The following TRANK1 variants were observed in gnomAD, a reference collection of about 807,000 sequenced individuals.
The protein encoded by TRANK1 is TPR and ankyrin repeat-containing protein 1.
TRANK1 carries 198 observed loss-of-function variants against 266.0 expected under a neutral mutation model. The observed-to-expected ratio is 0.74, with a 90% CI of 0.66 to 0.84. The LOEUF (loss-of-function observed/expected upper bound fraction) is 0.84. TRANK1 is among the 40% of genes least tolerant of loss of function. The pLI, the probability that TRANK1 is intolerant of heterozygous loss-of-function variation, is 0.00. For synonymous variants in TRANK1, 1,396 were observed against 1,384.1 expected, an observed-to-expected ratio of 1.01 and a Z score of -0.19; for missense variants, 3,326 against 3,634.6, an observed-to-expected ratio of 0.92 and a Z score of 2.18.
intron 9 of TRANK1, among the ~76,000 whole-genome samples, chr3:36,868,027 G>A (rs2079252357): frequency 6.6e-6 from 1 of 152,228 alleles, no homozygotes; most frequent in Non-Finnish European, 1.5e-5. Flanking sequence ...ATGTGTGTGA[G>A]TGAGCCCTGC....
intron 11 of TRANK1, among the ~76,000 whole-genome samples, chr3:36,860,089 T>A (rs11129738): frequency 6.6e-6 from 1 of 152,192 alleles, no homozygotes; most frequent in East Asian, 1.9e-4. Context: ...TAACACATAA[T>A]GTTTTTTCTC....
At chr3:36,911,625 A>G (rs926751139) in intron 1 of TRANK1, among the ~76,000 whole-genome samples, 1 of 152,228 alleles carries the variant, frequency 6.6e-6, no homozygotes, top group African/African-American at 2.4e-5. Flanking sequence ...TGCCAACCAT[A>G]CAGAAGGCTT....
At chr3:36,828,419 AG>A in intron 23 of TRANK1, 44 bp from the exon 24 acceptor site, 1 of 446,540 alleles carries the variant, frequency 2.2e-6, no homozygotes, top group Non-Finnish European at 4.6e-6. Flanking sequence ...GAAAGAAGGG[AG>A]GGAGGGAGGG....
At chr3:36,923,947 G>A (rs867467310) in intron 1 of TRANK1, among the ~76,000 whole-genome samples, 1 of 151,606 alleles carries the variant, frequency 6.6e-6, no homozygotes, top group South Asian at 2.1e-4. Flanking sequence ...CTGAAGGGAA[G>A]AAGACTCTCT....
rs770494961 is a variant in TRANK1 at position 36,832,222 on chromosome 3, G to A, written c.7361C>T (p.Ala2454Val). 9.9e-6 allele frequency: 16 copies of A among 1,613,850 alleles called. No individual in the cohort carries two copies. The Admixed American group carries it at 2.7e-4, about 27-fold the overall frequency. ...PLIPSIGNTV[A>V]LLEFQFIHCG... ...GTGGATGAACTGGAACTCCAGGAGGGCTACTGTGTTTCCAATGCTGGGGAT... is the reference window on the plus strand; with the variant it reads ...GTGGATGAACTGGAACTCCAGGAGGACTACTGTGTTTCCAATGCTGGGGAT... Residue 2454 changes from alanine to valine, a missense_variant, in exon 22 of 24, where the codon GCC becomes GTC. By Grantham distance (64) the Ala-to-Val change is moderately conservative (BLOSUM62 0). Coordinates refer to ENST00000645898, the MANE Select transcript of TRANK1 (RefSeq NM_001329998.2).
chr3:36,829,327 A>T (rs1354918761), intron 23 of TRANK1, among the ~76,000 whole-genome samples: 1 of 152,242 alleles, frequency 6.6e-6, no homozygotes, highest in Non-Finnish European at 1.5e-5. Flanking sequence ...GCTCATGAGC[A>T]GCAAGAGGTT....
intron 17 of TRANK1, among the ~76,000 whole-genome samples, chr3:36,843,104 A>G (rs562820369): frequency 6.6e-6 from 1 of 152,340 alleles, no homozygotes; most frequent in East Asian, 1.9e-4. Flanking sequence ...CAGAACTGTG[A>G]GAAAATACAT....
intron 1 of TRANK1, among the ~76,000 whole-genome samples, chr3:36,935,902 A>C (rs1047743170): frequency 6.6e-6 from 1 of 152,206 alleles, no homozygotes; most frequent in Non-Finnish European, 1.5e-5. Context: ...AAAAGGAATA[A>C]AAGTTTGGGA....
chr3:36,901,101 G>GCTTTTTTTTTTTTT (rs1272445089), intron 3 of TRANK1, among the ~76,000 whole-genome samples: 1 of 136,990 alleles, frequency 7.3e-6, no homozygotes. Context: ...ATTCAAGGTT[G>GCTTTTTTTTTTTTT]TTTTTTTTTT....
intron 20 of TRANK1, 35 bp from the exon 21 acceptor site, chr3:36,834,942 A>G: frequency 6.4e-7 from 1 of 1,550,824 alleles, no homozygotes; most frequent in Non-Finnish European, 8.7e-7. Context: ...TATTTAGAGT[A>G]CTCATGATTA....
At chr3:36,908,215 TAAAGA>T in intron 2 of TRANK1, 103 bp downstream of exon 2, 1 of 1,177,030 alleles carries the variant, frequency 8.5e-7, no homozygotes, top group Non-Finnish European at 1.1e-6. Flanking sequence ...AAGTGAGCAA[TAAAGA>T]AAACAGAAAC....
intron 15 of TRANK1, among the ~76,000 whole-genome samples, chr3:36,847,766 C>T (rs976282952): frequency 1.3e-5 from 2 of 152,128 alleles, no homozygotes; most frequent in Non-Finnish European, 2.9e-5. Flanking sequence ...ATTATTTAAC[C>T]GAGGATGAAG....
At position 36,905,399 on chromosome 3, in the gene TRANK1, G is replaced by T. The variant is rs2079950916; in HGVS notation, c.156-2124C>A. 2.0e-5 allele frequency among the ~76,000 whole-genome samples: 3 copies of T among 152,144 alleles called. No homozygotes were observed. The South Asian group carries it at 6.2e-4, about 32-fold the overall frequency. On this transcript the variant is annotated intron_variant, in intron 2 of 23. Coordinates refer to ENST00000645898, the MANE Select transcript of TRANK1 (RefSeq NM_001329998.2). ...ATGTTTAGCTGAGGTCATGAGGGTG[G>T]AGTCCTCACAATGGAATAAGAAGAG...
At chr3:36,914,179 G>A (rs2080093335) in intron 1 of TRANK1, among the ~76,000 whole-genome samples, 1 of 151,862 alleles carries the variant, frequency 6.6e-6, no homozygotes, top group Non-Finnish European at 1.5e-5. Flanking sequence ...TGTCGCCCAG[G>A]CTGGAGTGCG....
At chr3:36,867,161 A>G (rs150700515) in intron 9 of TRANK1, among the ~76,000 whole-genome samples, 125 of 152,208 alleles carry the variant, frequency 8.2e-4, no homozygotes, top group African/African-American at 2.8e-3. Flanking sequence ...TAAAATACCT[A>G]TGAAGACAAA....
At chr3:36,888,042 C>CA (rs1476286277) in intron 8 of TRANK1, among the ~76,000 whole-genome samples, 2 of 152,008 alleles carry the variant, frequency 1.3e-5, no homozygotes, top group Non-Finnish European at 1.5e-5. Context: ...GCCCTGTACA[C>CA]AAATATTTAC....
rs2079352524 is a variant in TRANK1 at position 36,874,212 on chromosome 3, A to T, written c.992T>A (p.Val331Asp). 1 of 1,537,240 alleles carries T rather than the reference A, an allele frequency of 6.5e-7. No homozygotes were observed. The highest frequency in any genetic ancestry group is 1.2e-5 in the South Asian group (1 of 84,048). ...LDRQSRSVVDVLKRNKNFKAI... is the reference protein window; with the variant it reads ...LDRQSRSVVDDLKRNKNFKAI... ...TTTGAAGTTCTTATTCCTCTTCAGG[A>T]CATCCACAACAGACCGAGACTGTCG... The change falls in exon 9 of 24, where the codon GTC becomes GAC. Residue 331 changes from valine to aspartate, a missense_variant. Physicochemically the swap from Val to Asp is radical, Grantham distance 152. Coordinates refer to ENST00000645898, the MANE Select transcript of TRANK1 (RefSeq NM_001329998.2).
At chr3:36,867,130 T>A (rs2125563343) in intron 9 of TRANK1, among the ~76,000 whole-genome samples, 1 of 152,172 alleles carries the variant, frequency 6.6e-6, no homozygotes, top group Admixed American at 6.5e-5. Context: ...ATCCCTGGAC[T>A]TTCCCCTCCC....
rs141074723 is a variant in TRANK1, at chr3:36,881,086, C to G, written c.908-6790G>C. ...TTTTTTTATCAAAAACATGAACTTT[C>G]AATATTTTTCCCCTTTAAAATATTT... is the stretch of plus-strand genomic sequence containing the variant. On this transcript the variant is annotated intron_variant, in intron 8 of 23. Transcript: ENST00000645898. Among the ~76,000 whole-genome samples, 93 of 151,962 alleles carry G rather than the reference C, an allele frequency of 6.1e-4. 2 individuals carry two copies. Among genetic ancestry groups the G allele is most frequent in the East Asian group, 3.9e-3 (20 of 5,172 alleles).
Sources: gnomAD v4.1 joint callset for allele counts (sites outside exome capture counted in the v4.1 genomes callset) on GRCh38, gnomAD v4.1.1 for gene constraint, MANE v1.5 for transcripts, NCBI Gene and HGNC (gene_info 2026-07-23, HGNC 2026-07-21) for gene names.